The following PTPRM variants were observed in gnomAD, a reference collection of about 807,000 sequenced individuals.
PTPRM encodes the protein receptor-type tyrosine-protein phosphatase mu.
PTPRM carries 47 observed loss-of-function variants against 186.7 expected under a neutral mutation model. That is an observed-to-expected ratio of 0.25 (90% CI 0.20 to 0.32). The LOEUF is 0.32. Among genes scored for constraint, PTPRM ranks in the 10% least tolerant of loss-of-function variants. The pLI, the probability that PTPRM is intolerant of heterozygous loss-of-function variation, is 1.00. For missense variants in PTPRM, 1,494 were observed against 1,865.0 expected (o/e 0.80, Z 3.66); for synonymous variants, 668 against 674.9 (o/e 0.99, Z 0.16).
chr18:7,570,391 G>T (rs1385000307), intron 1 of PTPRM, among the ~76,000 whole-genome samples: 1 of 152,186 alleles, frequency 6.6e-6, no homozygotes, highest in Non-Finnish European at 1.5e-5. Context: ...AGCCAGAAGA[G>T]CTAGATTGTA....
chr18:7,998,255 A>T (rs986871241), intron 7 of PTPRM, among the ~76,000 whole-genome samples: 2 of 151,952 alleles, frequency 1.3e-5, no homozygotes, highest in African/African-American at 4.8e-5. Flanking sequence ...GGAGGACATT[A>T]TGTTAAATTA....
At chr18:7,902,473 GGCT>G (rs1202573995) in intron 3 of PTPRM, among the ~76,000 whole-genome samples, 1 of 152,136 alleles carries the variant, frequency 6.6e-6, no homozygotes, top group African/African-American at 2.4e-5. Flanking sequence ...GGGGTTGTGT[GGCT>G]GTGGCACAGG....
chr18:8,399,366 G>A (rs928524578), intron 32 of PTPRM, among the ~76,000 whole-genome samples: 5 of 152,148 alleles, frequency 3.3e-5, no homozygotes, highest in African/African-American at 7.2e-5. Context: ...CACCTAGCAC[G>A]AGGGACTCCA....
chr18:8,349,385 C>A (rs1012893295), intron 23 of PTPRM, among the ~76,000 whole-genome samples: 1 of 152,132 alleles, frequency 6.6e-6, no homozygotes, highest in Non-Finnish European at 1.5e-5. Context: ...GACAGTTTTC[C>A]GTCTTGAGCA....
intron 19 of PTPRM, among the ~76,000 whole-genome samples, chr18:8,285,740 C>T (rs1440165078): frequency 6.6e-6 from 1 of 152,152 alleles, no homozygotes; most frequent in African/African-American, 2.4e-5. Flanking sequence ...GACTGTAATC[C>T]CAACACTTTG....
chr18:7,637,673 A>C (rs2038351525), intron 1 of PTPRM, among the ~76,000 whole-genome samples: 1 of 152,212 alleles, frequency 6.6e-6, no homozygotes, highest in Non-Finnish European at 1.5e-5. Context: ...ATAATCATTG[A>C]ATTAATGCAC....
chr18:8,342,264 A>G lies in PTPRM; in HGVS notation c.2957-1159A>G, dbSNP rs548581426. Among the ~76,000 whole-genome samples, 7 of 152,334 alleles carry G rather than the reference A, an allele frequency of 4.6e-5. No individual in the cohort carries two copies. In the South Asian group the frequency reaches 6.2e-4, roughly 14 times the overall value. On this transcript the variant is annotated intron_variant, in intron 22 of 32. Transcript: ENST00000580170. ...GCTATTAATAAACATCGTTAAATGCATCTTGTTTTCTTTCTATTGCTTTGT... is the reference window on the plus strand; with the variant it reads ...GCTATTAATAAACATCGTTAAATGCGTCTTGTTTTCTTTCTATTGCTTTGT...
chr18:7,786,875 T>G (rs2043120633), intron 2 of PTPRM, among the ~76,000 whole-genome samples: 1 of 152,246 alleles, frequency 6.6e-6, no homozygotes, highest in Admixed American at 6.5e-5. Context: ...TGATACAGTT[T>G]GTATTTTTTA....
intron 1 of PTPRM, among the ~76,000 whole-genome samples, chr18:7,626,071 G>A (rs1437569827): frequency 1.3e-5 from 2 of 152,116 alleles, no homozygotes; most frequent in Non-Finnish European, 1.5e-5. Context: ...ATTCATAAAA[G>A]CATCTAATGC....
At chr18:8,093,397 C>G (rs1165173770) in intron 11 of PTPRM, among the ~76,000 whole-genome samples, 1 of 152,170 alleles carries the variant, frequency 6.6e-6, no homozygotes. Context: ...CGTTTCTATT[C>G]ATAAGACCAG....
chr18:7,711,712 T>C (rs189417267), intron 1 of PTPRM, among the ~76,000 whole-genome samples: 14 of 152,102 alleles, frequency 9.2e-5, no homozygotes, highest in Non-Finnish European at 1.6e-4. Flanking sequence ...TAACAAAGCC[T>C]GGGGGAAGTT....
chr18:7,771,950 A>G (rs1346754241), intron 1 of PTPRM, among the ~76,000 whole-genome samples: 1 of 152,244 alleles, frequency 6.6e-6, no homozygotes, highest in Non-Finnish European at 1.5e-5. Flanking sequence ...TTTCTTACAA[A>G]GTGGAGAGAT....
At chr18:7,913,408 T>A (rs532260842) in intron 4 of PTPRM, among the ~76,000 whole-genome samples, 94 of 152,340 alleles carry the variant, frequency 6.2e-4, no homozygotes, top group Middle Eastern at 3.4e-3. Flanking sequence ...CTGCTTGTCT[T>A]GTTCCTCATC....
chr18:8,334,132 C>CA (rs1330088636), intron 22 of PTPRM, among the ~76,000 whole-genome samples: 18 of 152,244 alleles, frequency 1.2e-4, no homozygotes, highest in African/African-American at 4.3e-4. Context: ...TAAAGAGCAG[C>CA]ATCCAGCACC....
At chr18:7,669,367 G>A (rs563081253) in intron 1 of PTPRM, among the ~76,000 whole-genome samples, 1 of 151,436 alleles carries the variant, frequency 6.6e-6, no homozygotes, top group East Asian at 2.0e-4. Flanking sequence ...CCACATGTGT[G>A]TTGAAGCCCT....
In PTPRM at chr18:8,250,005, C is replaced by T. The variant is rs151073514; in HGVS notation, c.2554+1829C>T. Among the ~76,000 whole-genome samples the T allele has an allele frequency of 2.0e-3, 311 of 152,178 alleles. 1 individual carries two copies. The highest frequency in any genetic ancestry group is 3.6e-3 in the Non-Finnish European group (248 of 68,000). The stretch of plus-strand genomic sequence containing the variant: ...TTGGTGAGGTTAGCACTTGAAACCA[C>T]GGAAGAATTTAAGATATATATATCT... On this transcript the variant is annotated intron_variant, in intron 17 of 32. Coordinates refer to ENST00000580170, the MANE Select transcript of PTPRM (RefSeq NM_001105244.2).
chr18:7,984,266 C>T (rs1166718907), intron 7 of PTPRM, among the ~76,000 whole-genome samples: 2 of 151,906 alleles, frequency 1.3e-5, no homozygotes, highest in Non-Finnish European at 2.9e-5. Flanking sequence ...CTTACCTAAT[C>T]CTCGTAATGA....
chr18:7,871,244 G>A (rs58929196), intron 2 of PTPRM, among the ~76,000 whole-genome samples: 3,397 of 152,218 alleles, frequency 0.022, 116 homozygotes, highest in African/African-American at 0.078. Context: ...AATGAAGTTT[G>A]GACAGTGAAT....
intron 2 of PTPRM, among the ~76,000 whole-genome samples, chr18:7,843,796 A>G (rs1027543714): frequency 2.0e-5 from 3 of 152,198 alleles, no homozygotes; most frequent in Non-Finnish European, 4.4e-5. Flanking sequence ...ATAGGACACA[A>G]TGGGAATGGA....
Sources: allele counts gnomAD v4.1 joint callset (sites outside exome capture counted in the v4.1 genomes callset), GRCh38; gene constraint gnomAD v4.1.1; transcripts MANE v1.5; gene names NCBI Gene and HGNC (gene_info 2026-07-23, HGNC 2026-07-21).